CSMD1: variants seen among roughly 807,000 people sequenced by gnomAD.
CSMD1 encodes the protein CUB and Sushi multiple domains 1.
In CSMD1, 213 loss-of-function variants were observed where a neutral mutation model predicts 417.5. The ratio of observed to expected loss-of-function variants is 0.51; its 90% CI spans 0.46 to 0.57. The LOEUF is 0.57. CSMD1 is among the 20% of genes least tolerant of loss of function. The pLI is 0.00. For missense variants in CSMD1, 6,923 were observed against 4,529.7 expected (o/e 1.53, Z -15.17); for synonymous variants, 2,862 against 1,736.8 (o/e 1.65, Z -16.11).
At chr8:4,118,880 G>T (rs1050268357) in intron 3 of CSMD1, among the ~76,000 whole-genome samples, 1 of 152,148 alleles carries the variant, frequency 6.6e-6, no homozygotes, top group Non-Finnish European at 1.5e-5. Context: ...AAGAAATGTG[G>T]CACATATACA....
rs149005941 is a variant in CSMD1 at position 4,833,118 on chromosome 8, C to T, written c.85+161214G>A. Among the ~76,000 whole-genome samples, 443 of 152,236 alleles carry T rather than the reference C, an allele frequency of 2.9e-3. 1 individual carries two copies. Among genetic ancestry groups the T allele is most frequent in the Non-Finnish European group, 4.8e-3 (326 of 68,020 alleles). On this transcript the variant is annotated intron_variant, in intron 1 of 69. Coordinates refer to ENST00000635120, the MANE Select transcript of CSMD1 (RefSeq NM_033225.6). ...ATCTGTATTTGAGTTTTCATTTATT[C>T]GTCATTCTGAGAGTAAAATTGATAT...
chr8:3,083,636 ATATATATATATATTTTTTTTTTTTTTTTT>A lies in CSMD1; in HGVS notation c.7474+3432_7474+3460del, dbSNP rs1157961592. Among the ~76,000 whole-genome samples the A allele has an allele frequency of 1.3e-3, 27 of 21,520 alleles. 1 individual carries two copies. The highest frequency in any genetic ancestry group is 4.1e-3 in the African/African-American group (24 of 5,816). The allele number at this position is 21,520 out of a possible 152,430, so 14.1% of individuals were successfully genotyped here. On this transcript the variant is annotated intron_variant, in intron 49 of 69. Transcript: ENST00000635120. ...TATATATATATATATATATATATAT[ATATATATATATATTTTTTTTTTTTTTTTT>A]TTTTTTTTTTTTTTTGGTCTCATTC...
intron 42 of CSMD1, among the ~76,000 whole-genome samples, chr8:3,117,054 G>T (rs1338168279): frequency 6.6e-6 from 1 of 152,000 alleles, no homozygotes; most frequent in Non-Finnish European, 1.5e-5. Context: ...AGAATTGTTT[G>T]TAGTTATTTT....
At position 3,237,117 on chromosome 8, in the gene CSMD1, A is replaced by G. The variant is rs1799199041; in HGVS notation, c.4154-6886T>C. 2.6e-5 allele frequency among the ~76,000 whole-genome samples: 4 copies of G among 152,030 alleles called. No individual in the cohort carries two copies. In the South Asian group the frequency reaches 8.3e-4, roughly 32 times the overall value. On this transcript the variant is annotated intron_variant, in intron 26 of 69. Transcript: ENST00000635120. Reference sequence around the variant, plus strand: ...TGCGGCTACTGCACTGCAGAACTGGACGCTGCAATAACGCCAATCTTTTTG... The same window carrying G: ...TGCGGCTACTGCACTGCAGAACTGGGCGCTGCAATAACGCCAATCTTTTTG...
At chr8:3,740,596 C>T (rs1796749254) in intron 6 of CSMD1, among the ~76,000 whole-genome samples, 2 of 152,076 alleles carry the variant, frequency 1.3e-5, no homozygotes, top group Admixed American at 1.3e-4. Context: ...GGAGGACGAG[C>T]AGGGGCTGAG....
chr8:4,760,430 G>C lies in CSMD1; in HGVS notation c.86-122872C>G, dbSNP rs549443923. Among the ~76,000 whole-genome samples the C allele has an allele frequency of 3.3e-5, 5 of 152,250 alleles. No individual in the cohort carries two copies. In the East Asian group the frequency reaches 9.7e-4, roughly 29 times the overall value. ...CTTTATGATACCTTTGTGGCTAGAA[G>C]AGTCCATGGCATTTCCTAAATGCCT... On this transcript the variant is annotated intron_variant, in intron 1 of 69. Coordinates refer to ENST00000635120, the MANE Select transcript of CSMD1 (RefSeq NM_033225.6).
chr8:3,053,723 G>A (rs771573924), intron 49 of CSMD1, among the ~76,000 whole-genome samples: 1 of 152,072 alleles, frequency 6.6e-6, no homozygotes, highest in East Asian at 1.9e-4. Context: ...TATGGGACAA[G>A]AAAAAAATTC....
intron 3 of CSMD1, among the ~76,000 whole-genome samples, chr8:4,309,035 T>C (rs996258402): frequency 6.6e-5 from 10 of 152,184 alleles, no homozygotes; most frequent in Admixed American, 4.6e-4. Context: ...ATTATTGATG[T>C]CATTCTTCAC....
intron 2 of CSMD1, among the ~76,000 whole-genome samples, chr8:4,463,878 C>T (rs942724503): frequency 6.6e-6 from 1 of 151,988 alleles, no homozygotes; most frequent in African/African-American, 2.4e-5. Context: ...CACTTCAGGT[C>T]AATATTGTGG....
chr8:3,558,626 A>G (rs113327721), intron 10 of CSMD1, among the ~76,000 whole-genome samples: 7,642 of 40,794 alleles, frequency 0.19, 55 homozygotes, highest in Middle Eastern at 0.32. Flanking sequence ...AATGATGAAT[A>G]GTGCCTCAAT....
intron 11 of CSMD1, among the ~76,000 whole-genome samples, chr8:3,486,481 G>C (rs1172795101): frequency 1.3e-5 from 2 of 152,174 alleles, no homozygotes; most frequent in East Asian, 1.9e-4. Flanking sequence ...AATTCTGGAA[G>C]AGATTCCTGG....
Position 3,994,796 on chromosome 8 carries a change from T to C in CSMD1, c.818+3107A>G, listed in dbSNP as rs1356637151. ...ACTTAAAACATAGCTCAGTGGGTAA[T>C]TTCACTCCAAATTAAATGAAAATAA... On this transcript the variant is annotated intron_variant, in intron 5 of 69. Transcript: ENST00000635120. 2.0e-5 allele frequency among the ~76,000 whole-genome samples: 3 copies of C among 152,190 alleles called. No homozygotes were observed. The East Asian group carries it at 5.8e-4, about 29-fold the overall frequency.
chr8:3,884,480 C>T lies in CSMD1; in HGVS notation c.818+113423G>A, dbSNP rs1197255646. Among the ~76,000 whole-genome samples the T allele has an allele frequency of 2.0e-5, 3 of 152,164 alleles. No individual in the cohort carries two copies. The East Asian group carries it at 5.8e-4, about 29-fold the overall frequency. ...AACTGCCAGCCTGAGCAGGGCCCCG[C>T]AGTAGCATAACTTCACACCTGGATT... On this transcript the variant is annotated intron_variant, in intron 5 of 69. Coordinates refer to ENST00000635120, the MANE Select transcript of CSMD1 (RefSeq NM_033225.6).
chr8:3,554,766 G>T (rs528542429), intron 10 of CSMD1, among the ~76,000 whole-genome samples: 2 of 152,288 alleles, frequency 1.3e-5, no homozygotes, highest in South Asian at 4.1e-4. Context: ...GCGGGGGAGG[G>T]AGTAAATCTA....
intron 1 of CSMD1, among the ~76,000 whole-genome samples, chr8:4,764,872 C>CAAAAAAAAAAAAAAAAAAAAAA (rs1194894751): frequency 9.8e-5 from 5 of 50,940 alleles, no homozygotes; most frequent in Non-Finnish European, 1.4e-4. Flanking sequence ...GACTCCATCT[C>CAAAAAAAAAAAAAAAAAAAAAA]AAAAAAAAAA....
intron 5 of CSMD1, among the ~76,000 whole-genome samples, chr8:3,925,772 C>G (rs1809615266): frequency 6.6e-6 from 1 of 152,146 alleles, no homozygotes; most frequent in South Asian, 2.1e-4. Context: ...TCCCATTGAA[C>G]CTCTTTTTAT....
chr8:4,728,028 C>G (rs2116941600), intron 1 of CSMD1, among the ~76,000 whole-genome samples: 1 of 141,380 alleles, frequency 7.1e-6, no homozygotes, highest in South Asian at 2.2e-4. Flanking sequence ...TATATTTTTT[C>G]TATTTTTTTG....
At chr8:4,063,267 T>C (rs1799074444) in intron 3 of CSMD1, among the ~76,000 whole-genome samples, 1 of 136,190 alleles carries the variant, frequency 7.3e-6, no homozygotes, top group Non-Finnish European at 1.6e-5. Context: ...GTACAGTTAT[T>C]ACATAGAACA....
rs1459500729 is a variant in CSMD1 at position 4,742,193 on chromosome 8, G to A, written c.86-104635C>T. Among the ~76,000 whole-genome samples, 4 of 151,020 alleles carry A rather than the reference G, an allele frequency of 2.6e-5. No homozygotes were observed. The East Asian group carries it at 7.8e-4, about 29-fold the overall frequency. ...CTACAGGCGCCCGCCACCACGCCCGGCTAATTTTTTGTATTTTTAGTAGAG... is the reference window on the plus strand; with the variant it reads ...CTACAGGCGCCCGCCACCACGCCCGACTAATTTTTTGTATTTTTAGTAGAG... On this transcript the variant is annotated intron_variant, in intron 1 of 69. Coordinates refer to ENST00000635120, the MANE Select transcript of CSMD1 (RefSeq NM_033225.6).
Sources: gnomAD v4.1 joint callset for allele counts (sites outside exome capture counted in the v4.1 genomes callset) on GRCh38, gnomAD v4.1.1 for gene constraint, MANE v1.5 for transcripts, NCBI Gene and HGNC (gene_info 2026-07-23, HGNC 2026-07-21) for gene names.